The following TUBGCP5 variants were observed in gnomAD, a reference collection of about 807,000 sequenced individuals.
TUBGCP5 encodes gamma-tubulin complex component 5.
Under a neutral mutation model 134.7 loss-of-function variants are expected in TUBGCP5, and 98 were observed. The ratio of observed to expected loss-of-function variants is 0.73; its 90% confidence interval spans 0.62 to 0.86. The LOEUF is 0.86. Among genes scored for constraint, TUBGCP5 ranks in the 40% least tolerant of loss-of-function variants. TUBGCP5 has a pLI of 0.00. For synonymous variants in TUBGCP5, 456 were observed against 431.4 expected, an observed-to-expected ratio of 1.06 and a Z score of -0.71; for missense variants, 1,150 against 1,244.8, an observed-to-expected ratio of 0.92 and a Z score of 1.15.
At chr15:23,015,278 G>T (rs1160597982) in intron 13 of TUBGCP5, among the ~76,000 whole-genome samples, 2 of 151,712 alleles carry the variant, frequency 1.3e-5, no homozygotes, top group African/African-American at 2.4e-5. Context: ...TAGAGACAGG[G>T]TTTCACCATG....
downstream of TUBGCP5, among the ~76,000 whole-genome samples, chr15:22,995,345 G>T (rs1490554807): frequency 6.6e-6 from 1 of 151,798 alleles, no homozygotes; most frequent in Non-Finnish European, 1.5e-5. Flanking sequence ...TATAAAAACA[G>T]AAGTGACCCC....
At chr15:22,995,574 C>CAAA (rs397794497), downstream of TUBGCP5, among the ~76,000 whole-genome samples, 20 of 121,704 alleles carry the variant, frequency 1.6e-4, no homozygotes, top group African/African-American at 5.8e-4. Context: ...GGCTCCGTCT[C>CAAA]AAAAAAAAAA....
At chr15:23,031,066 T>C (rs1257335860) in intron 5 of TUBGCP5, 46 bp from the exon 6 acceptor site, 1 of 1,495,062 alleles carries the variant, frequency 6.7e-7, no homozygotes, top group Non-Finnish European at 8.9e-7. Flanking sequence ...AGTATAACAC[T>C]TAAAGCTATT....
intron 23 of TUBGCP5, among the ~76,000 whole-genome samples, chr15:22,984,382 G>T (rs147114977): frequency 6.8e-4 from 103 of 152,242 alleles, no homozygotes; most frequent in Middle Eastern, 3.4e-3. Context: ...CACTTTGGGA[G>T]GCCAAGACGT....
intron 23 of TUBGCP5, among the ~76,000 whole-genome samples, chr15:22,985,667 TG>T (rs2063655758): frequency 6.6e-6 from 1 of 152,110 alleles, no homozygotes; most frequent in African/African-American, 2.4e-5. Context: ...CAAAAGGATT[TG>T]TTCTTGTGTT....
chr15:23,016,497 G>GAA (rs34275068), intron 13 of TUBGCP5, among the ~76,000 whole-genome samples: 5,023 of 102,718 alleles, frequency 0.049, 318 homozygotes, highest in African/African-American at 0.17. Context: ...TCTGTCTCAG[G>GAA]AAAAAAAAAA....
At chr15:23,012,262 TAAG>T (rs2065081594) in intron 13 of TUBGCP5, among the ~76,000 whole-genome samples, 1 of 151,918 alleles carries the variant, frequency 6.6e-6, no homozygotes, top group African/African-American at 2.4e-5. Flanking sequence ...GCTCACTACA[TAAG>T]AAGGAAATAT....
chr15:23,028,196 TAGTG>T (rs1165059679), intron 6 of TUBGCP5, among the ~76,000 whole-genome samples: 3 of 151,480 alleles, frequency 2.0e-5, no homozygotes, highest in Non-Finnish European at 4.4e-5. Flanking sequence ...GTCTCAAACA[TAGTG>T]AGACCTCATC....
intron 11 of TUBGCP5, 87 bp downstream of exon 11, chr15:23,021,872 G>C: frequency 7.5e-7 from 1 of 1,341,852 alleles, no homozygotes; most frequent in Non-Finnish European, 1.1e-6. Flanking sequence ...CATCATTCAA[G>C]TATCAACAAA....
rs556858632 is a variant in TUBGCP5 at position 22,984,291 on chromosome 15, C to G, written c.*62-680G>C. ...ACACATTATTTGGTCAATTGGTTTT[C>G]AATTAAGATGCTAAAGGACTTCCAT... On this transcript the variant is annotated intron_variant and NMD_transcript_variant, in intron 23 of 23. Transcript: ENST00000614508. Among the ~76,000 whole-genome samples the G allele has an allele frequency of 2.6e-5, 4 of 152,238 alleles. No individual in the cohort carries two copies. The South Asian group carries it at 8.3e-4, about 32-fold the overall frequency.
Position 23,024,784 on chromosome 15 carries a change from C to A in TUBGCP5, c.874G>T (p.Gly292Trp). The change falls in exon 9 of 23, where the codon GGG (glycine) becomes TGG (tryptophan). Residue 292 changes from glycine to tryptophan, a missense_variant. By Grantham distance (184) the Gly-to-Trp change is radical (BLOSUM62 -2). Around this residue, in one of 2 missense-constraint regions of TUBGCP5, gnomAD observed 453 missense variants for 394.7 expected, o/e 1.15. Coordinates refer to ENST00000615383, the MANE Select transcript of TUBGCP5 (RefSeq NM_052903.6). Reference sequence around the variant, plus strand: ...ATATTGTTTCTCACAGTTACCTTCCCATCTATCAACTGAAATATAAAGAGC... The same window carrying A: ...ATATTGTTTCTCACAGTTACCTTCCAATCTATCAACTGAAATATAAAGAGC... ...KKLFIFQLID[G>W]KVTVRNNIIV... 1 of 1,596,360 alleles carries A rather than the reference C, an allele frequency of 6.3e-7. No homozygotes were observed. The highest frequency in any genetic ancestry group is 8.6e-7 in the Non-Finnish European group (1 of 1,168,346).
At chr15:23,001,188 G>GC (rs1438628282) in intron 21 of TUBGCP5, among the ~76,000 whole-genome samples, 1 of 151,384 alleles carries the variant, frequency 6.6e-6, no homozygotes, top group Non-Finnish European at 1.5e-5. Flanking sequence ...GATTACAGAT[G>GC]CCCACCACCA....
At chr15:23,019,755 C>A (rs1190370476) in intron 11 of TUBGCP5, among the ~76,000 whole-genome samples, 1 of 151,710 alleles carries the variant, frequency 6.6e-6, no homozygotes, top group Non-Finnish European at 1.5e-5. Flanking sequence ...CAAGATCGTG[C>A]CACTACACTC....
chr15:23,011,395 G>T, intron 13 of TUBGCP5, 64 bp from the exon 14 acceptor site: 1 of 1,065,240 alleles, frequency 9.4e-7, no homozygotes, highest in Non-Finnish European at 1.3e-6. Flanking sequence ...GTAACATTCT[G>T]TTTAATCATA....
At chr15:23,005,984 A>G (rs2064691332) in intron 18 of TUBGCP5, 68 bp downstream of exon 18, 6 of 1,474,410 alleles carry the variant, frequency 4.1e-6, no homozygotes, top group Non-Finnish European at 2.7e-6. Context: ...TCCCTTTCCC[A>G]TTAACCTCTT....
intron 1 of TUBGCP5, 75 bp downstream of exon 1, chr15:23,039,323 A>C: frequency 2.4e-6 from 3 of 1,244,936 alleles, no homozygotes; most frequent in Non-Finnish European, 3.1e-6. Context: ...GCGCGCCCCG[A>C]CCCCGGGCTG....
intron 16 of TUBGCP5, among the ~76,000 whole-genome samples, chr15:23,008,257 C>A (rs1322423216): frequency 6.6e-6 from 1 of 151,956 alleles, no homozygotes; most frequent in Non-Finnish European, 1.5e-5. Context: ...ACATAGCTAG[C>A]CTCTGCCTCA....
intron 11 of TUBGCP5, among the ~76,000 whole-genome samples, chr15:23,020,957 C>T (rs12594589): frequency 0.13 from 20,487 of 151,984 alleles, 1,817 homozygotes; most frequent in East Asian, 0.46. Context: ...TGTAGTGGTG[C>T]GATCTCGGCT....
At chr15:23,021,781 T>C (rs1377065986) in intron 11 of TUBGCP5, among the ~76,000 whole-genome samples, 178 bp downstream of exon 11, 1 of 152,230 alleles carries the variant, frequency 6.6e-6, no homozygotes, top group Non-Finnish European at 1.5e-5. Flanking sequence ...CTGAGGATCT[T>C]GGCAATTAGA....
Sources: allele counts gnomAD v4.1 joint callset (sites outside exome capture counted in the v4.1 genomes callset), GRCh38; gene constraint gnomAD v4.1.1; regional missense constraint gnomAD v4.1.1; transcripts MANE v1.5; gene names NCBI Gene and HGNC (gene_info 2026-07-23, HGNC 2026-07-21).